CRACD: variants seen among roughly 807,000 people sequenced by gnomAD.
The protein encoded by CRACD is capping protein inhibiting regulator of actin dynamics, also known as capping protein-inhibiting regulator of actin dynamics.
A neutral mutation model predicts 106.8 loss-of-function variants in CRACD; 56 were observed. The ratio of observed to expected loss-of-function variants is 0.52; its 90% CI spans 0.42 to 0.66. CRACD has a LOEUF of 0.66. Ranked by LOEUF, CRACD falls within the 30% of genes least tolerant of loss-of-function variation. The pLI is 0.00. For missense variants in CRACD, 1,730 were observed against 1,623.2 expected, an observed-to-expected ratio of 1.07 and a Z score of -1.13; for synonymous variants, 754 against 670.8, an observed-to-expected ratio of 1.12 and a Z score of -1.92.
chr4:56,065,436 C>T (rs1732434025), intron 1 of CRACD, among the ~76,000 whole-genome samples: 1 of 152,110 alleles, frequency 6.6e-6, no homozygotes, highest in Non-Finnish European at 1.5e-5. Context: ...CGAGATTCAC[C>T]ACCTGCCCTC....
intron 1 of CRACD, among the ~76,000 whole-genome samples, chr4:56,111,564 C>T (rs544823062): frequency 1.3e-5 from 2 of 152,294 alleles, no homozygotes; most frequent in East Asian, 1.9e-4. Context: ...ATTTTTGAGA[C>T]GAAGTCTCGC....
intron 2 of CRACD, among the ~76,000 whole-genome samples, chr4:56,220,922 A>T (rs755703479): frequency 8.5e-5 from 13 of 152,246 alleles, no homozygotes; most frequent in Middle Eastern, 3.4e-3. Context: ...TAGAAAGTAA[A>T]AACTCACCAG....
chr4:56,314,465 G>A lies in CRACD; in HGVS notation c.963G>A (p.Arg321=). ...RERLEAEEER[R]RLQAQAQAEE... ...GCCTGGAGGCGGAGGAGGAGCGAAG[G>A]CGTCTGCAGGCCCAGGCCCAAGCGG... is the stretch of plus-strand genomic sequence containing the variant. Residue 321 remains arginine (R), a synonymous_variant, in exon 8 of 11, where the codon AGG becomes AGA. Transcript: ENST00000682029. This position sits in a 1 kb window ranked among gnomAD's most constrained non-coding sequence, Gnocchi z 4.4. 3 of 1,535,142 alleles carry A rather than the reference G, an allele frequency of 2.0e-6. No individual in the cohort carries two copies. Among genetic ancestry groups the A allele is most frequent in the Non-Finnish European group, 2.6e-6 (3 of 1,140,494 alleles).
At chr4:56,167,019 C>CT (rs1736179749) in intron 1 of CRACD, among the ~76,000 whole-genome samples, 1 of 152,130 alleles carries the variant, frequency 6.6e-6, no homozygotes, top group Admixed American at 6.5e-5. Flanking sequence ...CCATCAGACT[C>CT]TAAGAACACT....
chr4:56,293,462 A>T (rs1419481872), intron 3 of CRACD, among the ~76,000 whole-genome samples: 1 of 152,242 alleles, frequency 6.6e-6, no homozygotes, highest in East Asian at 1.9e-4. Flanking sequence ...TAAATGAAAG[A>T]TAGCTGTATT....
chr4:56,115,062 T>C (rs1398319786), intron 1 of CRACD, among the ~76,000 whole-genome samples: 1 of 151,980 alleles, frequency 6.6e-6, no homozygotes, highest in Non-Finnish European at 1.5e-5. Flanking sequence ...GGAATTGACT[T>C]ATAGTAATTC....
In CRACD at chr4:56,068,394, C is replaced by T. The variant is rs539284876; in HGVS notation, c.-336+19095C>T. On this transcript the variant is annotated intron_variant, in intron 1 of 10. Coordinates refer to ENST00000682029, the MANE Select transcript of CRACD (RefSeq NM_001393381.1). Reference sequence around the variant, plus strand: ...AGAGGAGGTCTGAGGAAACCAGGATCAGACTCTATAGGGCCTGGAGGGCCA... The same window carrying T: ...AGAGGAGGTCTGAGGAAACCAGGATTAGACTCTATAGGGCCTGGAGGGCCA... 1.4e-4 allele frequency among the ~76,000 whole-genome samples: 22 copies of T among 152,308 alleles called. No homozygotes were observed. The South Asian group carries it at 3.3e-3, about 23-fold the overall frequency.
chr4:56,058,244 A>G (rs1732155193), intron 1 of CRACD, among the ~76,000 whole-genome samples: 1 of 151,834 alleles, frequency 6.6e-6, no homozygotes, highest in Admixed American at 6.6e-5. Context: ...TAATTTTTGT[A>G]TTTTTAGTAG....
At chr4:56,234,779 A>G (rs551620887) in intron 2 of CRACD, among the ~76,000 whole-genome samples, 3 of 152,180 alleles carry the variant, frequency 2.0e-5, no homozygotes, top group Non-Finnish European at 4.4e-5. Context: ...GTATTGATTA[A>G]TTCCTTTTCA....
At chr4:56,205,922 G>A (rs1052468423) in intron 2 of CRACD, among the ~76,000 whole-genome samples, 5 of 152,198 alleles carry the variant, frequency 3.3e-5, no homozygotes, top group Non-Finnish European at 7.3e-5. Context: ...GATATTCTGT[G>A]TGAACAGATT....
intron 3 of CRACD, among the ~76,000 whole-genome samples, chr4:56,273,757 A>T (rs1408297609): frequency 1.3e-5 from 2 of 152,176 alleles, no homozygotes; most frequent in Non-Finnish European, 2.9e-5. Flanking sequence ...AGTTTCATGA[A>T]GTCAGGGACT....
intron 2 of CRACD, among the ~76,000 whole-genome samples, chr4:56,207,743 C>A (rs888860045): frequency 5.4e-5 from 4 of 73,654 alleles, no homozygotes; most frequent in Admixed American, 4.9e-4. Flanking sequence ...AACTTGTTTT[C>A]TCATATATAT....
At chr4:56,152,261 C>G (rs1735608330) in intron 1 of CRACD, among the ~76,000 whole-genome samples, 1 of 151,824 alleles carries the variant, frequency 6.6e-6, no homozygotes, top group Non-Finnish European at 1.5e-5. Context: ...TCGTGATCCA[C>G]CCGGCTCGGC....
chr4:56,318,719 G>A (rs2109786181), intron 8 of CRACD, among the ~76,000 whole-genome samples: 1 of 152,284 alleles, frequency 6.6e-6, no homozygotes, highest in Admixed American at 6.5e-5. Flanking sequence ...CATTCACTGG[G>A]GTTTTGTTAT....
intron 1 of CRACD, among the ~76,000 whole-genome samples, chr4:56,071,076 T>C (rs1732632698): frequency 6.6e-6 from 1 of 152,186 alleles, no homozygotes; most frequent in Non-Finnish European, 1.5e-5. Flanking sequence ...TTTTAAAAAG[T>C]TGGATCCTCC....
chr4:56,168,637 A>G (rs556905607), intron 1 of CRACD, among the ~76,000 whole-genome samples: 2 of 150,016 alleles, frequency 1.3e-5, no homozygotes, highest in Non-Finnish European at 3.0e-5. Context: ...ACTGATGGAT[A>G]TATATAATAT....
chr4:56,136,947 T>C (rs1735023343), intron 1 of CRACD, among the ~76,000 whole-genome samples: 1 of 152,246 alleles, frequency 6.6e-6, no homozygotes, highest in Non-Finnish European at 1.5e-5. Flanking sequence ...ATGTATGGAT[T>C]GAGCAAGGTT....
intron 2 of CRACD, among the ~76,000 whole-genome samples, chr4:56,216,654 G>A (rs1299963741): frequency 2.0e-5 from 3 of 152,210 alleles, no homozygotes; most frequent in East Asian, 3.9e-4. Flanking sequence ...ATTTAAAATC[G>A]GCCTTTGCAA....
intron 1 of CRACD, among the ~76,000 whole-genome samples, chr4:56,164,759 T>G (rs1198292819): frequency 2.6e-5 from 4 of 152,214 alleles, no homozygotes; most frequent in Admixed American, 2.0e-4. Flanking sequence ...TGCATGTATG[T>G]GAGCTGTATA....
Sources: gnomAD v4.1 joint callset for allele counts (sites outside exome capture counted in the v4.1 genomes callset) on GRCh38, gnomAD v4.1.1 for gene constraint, Gnocchi (gnomAD v3.1) non-coding constraint, MANE v1.5 for transcripts, NCBI Gene and HGNC (gene_info 2026-07-23, HGNC 2026-07-21) for gene names.